The following MYOM2 variants were observed in gnomAD, a reference collection of about 807,000 sequenced individuals.
MYOM2 encodes the protein myomesin-2.
MYOM2 carries 254 observed loss-of-function variants against 187.6 expected under a neutral mutation model. The ratio of observed to expected loss-of-function variants is 1.35; its 90% CI spans 1.22 to 1.50. MYOM2 has a LOEUF of 1.50. MYOM2 is among the 40% of genes most tolerant of loss of function. MYOM2 has a pLI of 0.00. For missense variants in MYOM2, 2,796 were observed against 1,924.0 expected (o/e 1.45, Z -8.48); for synonymous variants, 981 against 753.8 (o/e 1.30, Z -4.94).
Position 2,111,034 on chromosome 8 carries a change from T to C in MYOM2, c.3180+1503T>C, listed in dbSNP as rs375385713. Among the ~76,000 whole-genome samples the C allele has an allele frequency of 2.4e-4, 37 of 152,310 alleles. 2 individuals carry two copies. Among genetic ancestry groups the C allele is most frequent in the African/African-American group, 8.4e-4 (35 of 41,564 alleles). On this transcript the variant is annotated intron_variant, in intron 25 of 36. Transcript: ENST00000262113. ...AGACTTACTGTCTGATCCAGGTAAT[T>C]GGAGAAATCTTCTTTGAGCAGAGAC...
At position 2,108,661 on chromosome 8, in the gene MYOM2, T is replaced by C. The variant is rs1796969680; in HGVS notation, c.2999-125T>C. 5 of 905,406 alleles carry C rather than the reference T, an allele frequency of 5.5e-6. No individual in the cohort carries two copies. In the South Asian group the frequency reaches 7.6e-5, roughly 14 times the overall value. The allele number at this position is 905,406 out of a possible 1,614,324, so 56.1% of individuals were successfully genotyped here. A position where few individuals can be genotyped will look rare whatever the true frequency, so the allele number is the denominator to read the frequency against. On this transcript the variant is annotated intron_variant, in intron 23 of 36. Coordinates refer to ENST00000262113, the MANE Select transcript of MYOM2 (RefSeq NM_003970.4). ...TGTCCCTCAGACTTGTAGTTTAAAT[T>C]CCTTTCGTGTCCTCCAATTAAATCC...
At chr8:2,073,006 G>A in intron 9 of MYOM2, among the ~76,000 whole-genome samples, 1 of 152,200 alleles carries the variant, frequency 6.6e-6, no homozygotes, top group East Asian at 1.9e-4. Flanking sequence ...ACGGGCGGGG[G>A]GAAGCCGGTT....
chr8:2,104,635 G>T (rs992503761), intron 21 of MYOM2, among the ~76,000 whole-genome samples: 3 of 151,878 alleles, frequency 2.0e-5, no homozygotes, highest in African/African-American at 4.8e-5. Context: ...AAGTTTATTT[G>T]GCTCATGATT....
At chr8:2,119,035 G>A (rs979896117) in intron 28 of MYOM2, 4 of 152,330 alleles carry the variant, frequency 2.6e-5, no homozygotes, top group Admixed American at 1.3e-4. Context: ...AGCACTGTAC[G>A]GGGAGGGCCA....
rs759765581 is a variant in MYOM2 at position 2,094,002 on chromosome 8, A to G, written c.2036A>G (p.Gln679Arg). Reference protein sequence around the residue: ...FVVHGLTTGEQYIFRVKAVNA... With the variant: ...FVVHGLTTGERYIFRVKAVNA... ...GTGCACGGCTTAACCACGGGAGAGC[A>G]GTACATCTTCCGAGTCAAGGCGGTC... Residue 679 changes from glutamine to arginine, a missense_variant, in exon 17 of 37, where the codon CAG (glutamine) becomes CGG (arginine). Gln to Arg is a conservative substitution (Grantham distance 43, BLOSUM62 1). Transcript: ENST00000262113. 6.2e-7 allele frequency: 1 copy of G among 1,614,198 alleles called. No individual in the cohort carries two copies. The highest frequency in any genetic ancestry group is 8.5e-7 in the Non-Finnish European group (1 of 1,180,034).
chr8:2,060,889 T>C (rs1249411194), intron 6 of MYOM2, among the ~76,000 whole-genome samples: 1 of 152,026 alleles, frequency 6.6e-6, no homozygotes, highest in Non-Finnish European at 1.5e-5. Flanking sequence ...CGGGCTCAGC[T>C]CTGAGTACAG....
At position 2,050,775 on chromosome 8, in the gene MYOM2, T is replaced by C. The variant is rs1158146003; in HGVS notation, c.9T>C (p.Leu3=). The change falls in exon 2 of 37, where the codon CTT becomes CTC. Residue 3 remains leucine, a synonymous_variant. Coordinates refer to ENST00000262113, the MANE Select transcript of MYOM2 (RefSeq NM_003970.4). MS[L]VTVPFYQKRH... is the part of the protein sequence containing the mutation. ...TGTAGGAGCACGCCAAGATGTCCCTTGTGACTGTCCCCTTCTACCAGAAGA... is the reference window on the plus strand; with the variant it reads ...TGTAGGAGCACGCCAAGATGTCCCTCGTGACTGTCCCCTTCTACCAGAAGA... 1.9e-6 allele frequency: 3 copies of C among 1,611,984 alleles called. No individual in the cohort carries two copies. In the Admixed American group the frequency reaches 5.0e-5, roughly 27 times the overall value.
chr8:2,084,515 A>G (rs897958403), intron 13 of MYOM2, among the ~76,000 whole-genome samples: 3 of 152,250 alleles, frequency 2.0e-5, no homozygotes, highest in Non-Finnish European at 4.4e-5. Flanking sequence ...AATTTCAAGA[A>G]CTGTGGGTCT....
chr8:2,050,452 T>A (rs1303222062), intron 1 of MYOM2, among the ~76,000 whole-genome samples: 9 of 152,230 alleles, frequency 5.9e-5, no homozygotes, highest in Admixed American at 5.9e-4. Flanking sequence ...TGCTTTGAAC[T>A]TTGCCCTGAA....
intron 8 of MYOM2, among the ~76,000 whole-genome samples, chr8:2,072,031 G>A (rs989239260): frequency 3.9e-5 from 6 of 152,206 alleles, no homozygotes; most frequent in East Asian, 3.9e-4. Flanking sequence ...CAGACATTCC[G>A]TGTGGAGCAC....
chr8:2,125,545 G>A (rs1797604915), intron 31 of MYOM2, among the ~76,000 whole-genome samples: 1 of 151,162 alleles, frequency 6.6e-6, no homozygotes, highest in African/African-American at 2.4e-5. Flanking sequence ...TTTTTCCTAA[G>A]GATTGTTTAG....
At chr8:2,118,298 G>A (rs1201722558) in intron 28 of MYOM2, among the ~76,000 whole-genome samples, 2 of 152,186 alleles carry the variant, frequency 1.3e-5, no homozygotes, top group African/African-American at 4.8e-5. Flanking sequence ...CATCAGGAAA[G>A]GAAAGGCATG....
chr8:2,142,762 CTT>C (rs776743885), intron 35 of MYOM2, among the ~76,000 whole-genome samples: 4 of 112,850 alleles, frequency 3.5e-5, no homozygotes, highest in Non-Finnish European at 7.2e-5. Context: ...TCCCTTTATT[CTT>C]TTTTTTTTTT....
intron 16 of MYOM2, among the ~76,000 whole-genome samples, chr8:2,093,699 G>A (rs1386088813): frequency 2.0e-5 from 3 of 152,196 alleles, no homozygotes; most frequent in African/African-American, 7.2e-5. Context: ...ATAGACCTCT[G>A]ATCCAGAGGA....
At chr8:2,075,460 C>G (rs1435744721) in intron 10 of MYOM2, among the ~76,000 whole-genome samples, 1 of 152,204 alleles carries the variant, frequency 6.6e-6, no homozygotes, top group Non-Finnish European at 1.5e-5. Context: ...AAATCCTCAG[C>G]TTTTAATACC....
At chr8:2,047,880 A>G (rs7832487) in intron 1 of MYOM2, among the ~76,000 whole-genome samples, 3,844 of 152,292 alleles carry the variant, frequency 0.025, 145 homozygotes, top group African/African-American at 0.087. Context: ...ACAGGACCGG[A>G]TGTCACGTCA....
intron 2 of MYOM2, 62 bp downstream of exon 2, chr8:2,050,935 G>A (rs756766456): frequency 2.1e-5 from 28 of 1,326,630 alleles, no homozygotes; most frequent in Non-Finnish European, 2.9e-5. Context: ...GACATTTAAA[G>A]GCTTTTCCAG....
intron 25 of MYOM2, among the ~76,000 whole-genome samples, chr8:2,114,818 C>G (rs1797185133): frequency 6.6e-6 from 1 of 152,106 alleles, no homozygotes; most frequent in African/African-American, 2.4e-5. Flanking sequence ...GGGTCTTTCT[C>G]TGTTGCCCAA....
chr8:2,075,126 GAAGAA>G (rs1450339139), intron 10 of MYOM2, among the ~76,000 whole-genome samples: 6 of 152,190 alleles, frequency 3.9e-5, no homozygotes, highest in Admixed American at 3.9e-4. Context: ...AAAAGAAAGA[GAAGAA>G]ATGTCAACCA....
Sources: gnomAD v4.1 joint callset for allele counts (sites outside exome capture counted in the v4.1 genomes callset) on GRCh38, gnomAD v4.1.1 for gene constraint, MANE v1.5 for transcripts, NCBI Gene and HGNC (gene_info 2026-07-23, HGNC 2026-07-21) for gene names.